The following BAIAP2 variants were observed in gnomAD, a reference collection of about 807,000 sequenced individuals.
BAIAP2 encodes BAR/IMD domain-containing adapter protein 2.
A neutral mutation model predicts 63.0 loss-of-function variants in BAIAP2; 18 were observed. The observed-to-expected ratio is 0.29, with a 90% confidence interval of 0.20 to 0.42. BAIAP2 has a LOEUF of 0.42. Among genes scored for constraint, BAIAP2 ranks in the 10% least tolerant of loss-of-function variants. BAIAP2 has a pLI of 1.00. For synonymous variants in BAIAP2, 386 were observed against 307.6 expected (o/e 1.25, Z -2.67); for missense variants, 610 against 734.3 (o/e 0.83, Z 1.96).
At chr17:81,060,608 G>C (rs552753793) in intron 3 of BAIAP2, among the ~76,000 whole-genome samples, 1 of 152,318 alleles carries the variant, frequency 6.6e-6, no homozygotes, top group East Asian at 1.9e-4. Flanking sequence ...CCTTCCGGCA[G>C]CTGTGAGCCT....
chr17:81,056,979 C>G (rs1013864861), intron 2 of BAIAP2, among the ~76,000 whole-genome samples: 8 of 152,248 alleles, frequency 5.3e-5, no homozygotes, highest in African/African-American at 1.7e-4. Context: ...AGGCACAGGC[C>G]TTCATTCCTC....
chr17:81,055,720 C>T (rs1216566441), intron 2 of BAIAP2, among the ~76,000 whole-genome samples: 3 of 152,002 alleles, frequency 2.0e-5, no homozygotes, highest in East Asian at 1.9e-4. Context: ...TGCCTGCCAC[C>T]ACGCCCGGCT....
intron 10 of BAIAP2, chr17:81,105,050 C>CCA (rs1301933915): frequency 1.8e-5 from 4 of 222,460 alleles, no homozygotes; most frequent in South Asian, 5.7e-5. Flanking sequence ...GGTCTTTCCC[C>CCA]ATGGCAGGGG....
Position 81,103,495 on chromosome 17 carries a change from A to G in BAIAP2, c.643-7A>G, listed in dbSNP as rs1341504456. The G allele has an allele frequency of 6.4e-7, 1 of 1,558,616 alleles. No individual in the cohort carries two copies. The highest frequency in any genetic ancestry group is 8.6e-7 in the Non-Finnish European group (1 of 1,159,580). On this transcript the variant is annotated splice_region_variant and splice_polypyrimidine_tract_variant and intron_variant, in intron 7 of 13. Coordinates refer to ENST00000428708, the MANE Select transcript of BAIAP2 (RefSeq NM_001144888.2). ...TGACCCCTCCCTTCCTGCTGCTTCC[A>G]CTTCAGGGCAAGGAGCTGCTGGCGC... is the stretch of plus-strand genomic sequence containing the variant.
At chr17:81,101,938 TG>T in intron 7 of BAIAP2, among the ~76,000 whole-genome samples, 1 of 152,332 alleles carries the variant, frequency 6.6e-6, no homozygotes, top group South Asian at 2.1e-4. Context: ...CTGCGCCCTC[TG>T]GCGGGGGCCA....
rs1412009470 is a variant in BAIAP2 at position 81,109,049 on chromosome 17, C to G, written c.1535+540C>G. The G allele has an allele frequency of 3.9e-6, 6 of 1,521,246 alleles. No individual in the cohort carries two copies. In the East Asian group the frequency reaches 7.5e-5, roughly 19 times the overall value. The allele number at this position is 1,521,246 out of a possible 1,614,324, so 94.2% of individuals were successfully genotyped here. A position where few individuals can be genotyped will look rare whatever the true frequency, so the allele number is the denominator to read the frequency against. Reference sequence around the variant, plus strand: ...CTCTGAAGAGCTTCCGCGCCTTCCCCCTGGTCTCGTCCGTTTTCCTCCTCA... The same window carrying G: ...CTCTGAAGAGCTTCCGCGCCTTCCCGCTGGTCTCGTCCGTTTTCCTCCTCA... On this transcript the variant is annotated intron_variant, in intron 13 of 13. Transcript: ENST00000428708.
chr17:81,068,335 A>G (rs557598457), intron 3 of BAIAP2, among the ~76,000 whole-genome samples: 15 of 152,344 alleles, frequency 9.8e-5, no homozygotes, highest in African/African-American at 3.6e-4. Context: ...CGCCCATGGC[A>G]GGGGTCTCCC....
rs60972273 is a variant in BAIAP2, at chr17:81,057,973, ACCCCCCCCCC to A, written c.217+13_217+22del. On this transcript the variant is annotated splice_region_variant and intron_variant, in intron 3 of 13. Transcript: ENST00000428708. ...CCAGGGCTCCAAAGAACTCGGTGAG[ACCCCCCCCCC>A]CCCCCCGCCTGGTAGTCGCCTGATG... 32 of 765,808 alleles carry A rather than the reference ACCCCCCCCCC, an allele frequency of 4.2e-5. 6 individuals carry two copies. The South Asian group carries it at 5.6e-4, about 13-fold the overall frequency. The allele number at this position is 765,808 out of a possible 1,614,324, so 47.4% of individuals were successfully genotyped here. A position where few individuals can be genotyped will look rare whatever the true frequency, so the allele number is the denominator to read the frequency against.
intron 1 of BAIAP2, among the ~76,000 whole-genome samples, chr17:81,043,939 C>G (rs976357362): frequency 9.9e-5 from 15 of 152,254 alleles, no homozygotes; most frequent in African/African-American, 3.6e-4. Context: ...TTTCCTGGCA[C>G]AGAGAGTACT....
chr17:81,102,387 C>T (rs945062662), intron 7 of BAIAP2, among the ~76,000 whole-genome samples: 2 of 152,170 alleles, frequency 1.3e-5, no homozygotes, highest in Non-Finnish European at 2.9e-5. Context: ...AAGACTCACT[C>T]CTCTACCACT....
chr17:81,061,909 C>T (rs1324203835), intron 3 of BAIAP2, among the ~76,000 whole-genome samples: 1 of 152,110 alleles, frequency 6.6e-6, no homozygotes, highest in Admixed American at 6.6e-5. Flanking sequence ...CACATATTTG[C>T]TTTCAGTCTG....
chr17:81,072,228 G>A (rs981641733), intron 3 of BAIAP2, among the ~76,000 whole-genome samples: 1 of 152,244 alleles, frequency 6.6e-6, no homozygotes. Context: ...GAGTGCCCCA[G>A]GGCAGCGTTG....
At chr17:81,086,894 C>G in intron 6 of BAIAP2, 1 of 270,568 alleles carries the variant, frequency 3.7e-6, no homozygotes, top group South Asian at 6.0e-5. Context: ...GAGTCCGGTC[C>G]CAGTTTGTTC....
chr17:81,047,697 C>T (rs937238985), intron 1 of BAIAP2, among the ~76,000 whole-genome samples: 14 of 151,808 alleles, frequency 9.2e-5, no homozygotes, highest in Admixed American at 5.9e-4. Context: ...CCACAGCACA[C>T]GCACGGGTCC....
chr17:81,040,013 C>T (rs1424370533), intron 1 of BAIAP2, among the ~76,000 whole-genome samples: 1 of 152,138 alleles, frequency 6.6e-6, no homozygotes, highest in East Asian at 1.9e-4. Flanking sequence ...TGGACATCAC[C>T]ACTTGTCTCC....
At chr17:81,053,228 T>C (rs1441561421) in intron 1 of BAIAP2, 2 of 176,562 alleles carry the variant, frequency 1.1e-5, no homozygotes, top group Non-Finnish European at 2.4e-5. Flanking sequence ...GTAATTGATG[T>C]GTTGAGCAGG....
rs748362686 is a variant in BAIAP2, at chr17:81,103,690, G to A, written c.831G>A (p.Leu277=). 2 of 1,594,296 alleles carry A rather than the reference G, an allele frequency of 1.3e-6. No homozygotes were observed. Among genetic ancestry groups the A allele is most frequent in the East Asian group, 4.5e-5 (2 of 44,502 alleles). Residue 277 remains leucine, a synonymous_variant, in exon 8 of 14, where the codon CTG becomes CTA. Transcript: ENST00000428708. ...ACCCCATTCCGGGGGCCAAGCCCCT[G>A]CCGGTGCCCCCCGAGCTGGCACCGT... The part of the protein sequence containing the change: ...ISDPIPGAKP[L]PVPPELAPFV...
At chr17:81,090,448 G>GT (rs2056521973) in intron 6 of BAIAP2, among the ~76,000 whole-genome samples, 1 of 152,224 alleles carries the variant, frequency 6.6e-6, no homozygotes, top group Admixed American at 6.5e-5. Flanking sequence ...TATTTTTGTG[G>GT]TTTTTCCCAA....
rs1176259065 is a variant in BAIAP2 at position 81,046,586 on chromosome 17, C to A, written c.55-7082C>A. Among the ~76,000 whole-genome samples, 2 of 152,076 alleles carry A rather than the reference C, an allele frequency of 1.3e-5. No homozygotes were observed. The highest frequency in any genetic ancestry group is 6.5e-5 in the Admixed American group (1 of 15,274). On this transcript the variant is annotated intron_variant, in intron 1 of 13. Coordinates refer to ENST00000428708, the MANE Select transcript of BAIAP2 (RefSeq NM_001144888.2). This position sits in a 1 kb window ranked among gnomAD's most constrained non-coding sequence, Gnocchi z 4.5. ...TGGCCCGCCCTGGAGGACGCTGCCA[C>A]CTTCCCGATGCTCTCTGCCCACAGA...
Sources: gnomAD v4.1 joint callset for allele counts (sites outside exome capture counted in the v4.1 genomes callset) on GRCh38, gnomAD v4.1.1 for gene constraint, Gnocchi (gnomAD v3.1) non-coding constraint, MANE v1.5 for transcripts, NCBI Gene and HGNC (gene_info 2026-07-23, HGNC 2026-07-21) for gene names.